The following ACACA variants were observed in gnomAD, a reference collection of about 807,000 sequenced individuals.
ACACA encodes the protein acetyl-CoA carboxylase 1.
Under a neutral mutation model 296.1 loss-of-function variants are expected in ACACA, and 103 were observed. The ratio of observed to expected loss-of-function variants is 0.35; its 90% CI spans 0.30 to 0.41. The LOEUF (loss-of-function observed/expected upper bound fraction) is 0.41. ACACA is among the 10% of genes least tolerant of loss of function. The probability of loss-of-function intolerance (pLI) is 1.00; values close to 1 mark genes in which losing one functional copy is unlikely to be tolerated. For synonymous variants in ACACA, 953 were observed against 1,038.6 expected (o/e 0.92, Z 1.58); for missense variants, 1,554 against 2,989.7 (o/e 0.52, Z 11.20).
intron 3 of ACACA, among the ~76,000 whole-genome samples, chr17:37,301,594 T>C (rs977585878): frequency 6.6e-6 from 1 of 152,238 alleles, no homozygotes; most frequent in Non-Finnish European, 1.5e-5. Context: ...GATGTGTCTC[T>C]GTCAAAAAAT....
intron 39 of ACACA, among the ~76,000 whole-genome samples, chr17:37,187,631 A>G (rs2145018510): frequency 6.6e-6 from 1 of 152,360 alleles, no homozygotes; most frequent in African/African-American, 2.4e-5. Context: ...TTCTATTTTT[A>G]CATTCTCAGT....
intron 3 of ACACA, among the ~76,000 whole-genome samples, chr17:37,297,707 C>A (rs892378796): frequency 1.3e-5 from 2 of 151,776 alleles, no homozygotes; most frequent in Admixed American, 6.6e-5. Flanking sequence ...CCTGCCACCA[C>A]GCCCAGCTAA....
At chr17:37,286,920 T>C (rs757721093) in intron 3 of ACACA, among the ~76,000 whole-genome samples, 1 of 152,214 alleles carries the variant, frequency 6.6e-6, no homozygotes, top group African/African-American at 2.4e-5. Flanking sequence ...CCTCTAGTTA[T>C]TAACTCTGGG....
chr17:37,287,704 C>T (rs2082848890), intron 3 of ACACA, among the ~76,000 whole-genome samples: 1 of 151,398 alleles, frequency 6.6e-6, no homozygotes, highest in African/African-American at 2.4e-5. Context: ...GATCAAGCCA[C>T]TGCCCTCCAG....
At chr17:37,089,785 G>A (rs1220808207) in intron 54 of ACACA, among the ~76,000 whole-genome samples, 1 of 152,144 alleles carries the variant, frequency 6.6e-6, no homozygotes, top group Non-Finnish European at 1.5e-5. Context: ...TATTTCCTAG[G>A]TGGTTGACTA....
At chr17:37,146,673 G>T (rs1466645352) in intron 45 of ACACA, among the ~76,000 whole-genome samples, 1 of 140,668 alleles carries the variant, frequency 7.1e-6, no homozygotes, top group African/African-American at 2.6e-5. Context: ...GGGGGAAGGG[G>T]GGGGCAGAGG....
chr17:37,330,570 AG>A (rs1178531912), intron 2 of ACACA, 145 bp from the exon 3 acceptor site: 6 of 1,003,790 alleles, frequency 6.0e-6, no homozygotes. Flanking sequence ...ATTCTATTTC[AG>A]GGCCTTTAAT....
At chr17:37,161,752 T>C (rs1384770893) in intron 42 of ACACA, 29 bp downstream of exon 42, 5 of 1,604,752 alleles carry the variant, frequency 3.1e-6, no homozygotes, top group Non-Finnish European at 4.2e-6. Flanking sequence ...ATATAGCACC[T>C]TGAAGTAGTA....
chr17:37,165,398 A>T (rs1019664549), intron 41 of ACACA, among the ~76,000 whole-genome samples: 1 of 152,200 alleles, frequency 6.6e-6, no homozygotes, highest in Non-Finnish European at 1.5e-5. Flanking sequence ...GTGTGATCTT[A>T]AGAAAATTAT....
intron 3 of ACACA, among the ~76,000 whole-genome samples, chr17:37,285,468 T>C (rs2082723390): frequency 6.6e-6 from 1 of 152,158 alleles, no homozygotes. Context: ...GGCAGCATAA[T>C]ATGCCATATT....
intron 16 of ACACA, among the ~76,000 whole-genome samples, chr17:37,250,052 A>G (rs919745531): frequency 6.6e-6 from 1 of 152,194 alleles, no homozygotes; most frequent in Non-Finnish European, 1.5e-5. Flanking sequence ...CATGATTGTG[A>G]GGCCTCCCCA....
At chr17:37,270,617 G>C (rs1364959018) in intron 10 of ACACA, 134 bp downstream of exon 10, 10 of 701,994 alleles carry the variant, frequency 1.4e-5, no homozygotes, top group Non-Finnish European at 2.5e-5. Context: ...GTAGAAACTA[G>C]AGAGAAAGAC....
intron 44 of ACACA, 100 bp from the exon 45 acceptor site, chr17:37,150,074 A>T: frequency 3.8e-6 from 4 of 1,051,190 alleles, no homozygotes; most frequent in Admixed American, 2.0e-5. Flanking sequence ...ACAGAAATAA[A>T]CATTGCTTTT....
chr17:37,397,164 G>C (rs1186739527), intron 1 of ACACA, among the ~76,000 whole-genome samples: 1 of 151,310 alleles, frequency 6.6e-6, no homozygotes, highest in Non-Finnish European at 1.5e-5. Flanking sequence ...TGCGATATTT[G>C]CTCAGAATGA....
intron 35 of ACACA, 34 bp downstream of exon 35, chr17:37,200,105 T>A (rs753701721): frequency 3.3e-6 from 5 of 1,500,950 alleles, no homozygotes; most frequent in Non-Finnish European, 4.6e-6. Flanking sequence ...AATAAAACAG[T>A]AAGTAATCTT....
At chr17:37,181,778 T>C (rs1329991299) in intron 39 of ACACA, among the ~76,000 whole-genome samples, 2 of 151,338 alleles carry the variant, frequency 1.3e-5, no homozygotes, top group African/African-American at 4.9e-5. Context: ...TGGGCGCCTG[T>C]AGTCCCAGCT....
rs374605709 is a variant in ACACA at position 37,248,581 on chromosome 17, G to C, written c.2163+12C>G. ...AAAAGTAAGGTGCAAGCTCCAATGG[G>C]GTTCTGCATACCTTAAGTACATACT... is the stretch of plus-strand genomic sequence containing the variant. On this transcript the variant is annotated intron_variant, in intron 17 of 55. Transcript: ENST00000616317. 32 of 1,576,492 alleles carry C rather than the reference G, an allele frequency of 2.0e-5. No individual in the cohort carries two copies. The African/African-American group carries it at 4.1e-4, about 20-fold the overall frequency.
At chr17:37,381,720 C>G (rs561944150) in intron 1 of ACACA, among the ~76,000 whole-genome samples, 3 of 149,764 alleles carry the variant, frequency 2.0e-5, no homozygotes, top group Non-Finnish European at 4.4e-5. Context: ...CTCCGCCTCT[C>G]GGGTTCACGC....
chr17:37,282,355 G>A (rs531964231), intron 5 of ACACA, among the ~76,000 whole-genome samples: 1 of 152,304 alleles, frequency 6.6e-6, no homozygotes, highest in East Asian at 1.9e-4. Context: ...CATGCTTCCT[G>A]TAAAGCCTGT....
Sources: gnomAD v4.1 joint callset for allele counts (sites outside exome capture counted in the v4.1 genomes callset) on GRCh38, gnomAD v4.1.1 for gene constraint, MANE v1.5 for transcripts, NCBI Gene and HGNC (gene_info 2026-07-23, HGNC 2026-07-21) for gene names.